RIMS4: variants seen among roughly 807,000 people sequenced by gnomAD.
RIMS4 encodes regulating synaptic membrane exocytosis 4, also known as regulating synaptic membrane exocytosis protein 4.
Under a neutral mutation model 29.0 loss-of-function variants are expected in RIMS4, and 9 were observed. The ratio of observed to expected loss-of-function variants is 0.31; its 90% CI spans 0.19 to 0.54. The LOEUF (loss-of-function observed/expected upper bound fraction) is 0.54, where lower values mean the gene tolerates loss of function less well. RIMS4 is among the 20% of genes least tolerant of loss of function. RIMS4 has a pLI of 0.94. For synonymous variants in RIMS4, 130 were observed against 152.9 expected (o/e 0.85, Z 1.10); for missense variants, 193 against 365.7 (o/e 0.53, Z 3.85).
intron 1 of RIMS4, among the ~76,000 whole-genome samples, chr20:44,799,176 G>A (rs987238701): frequency 2.0e-5 from 3 of 152,116 alleles, no homozygotes; most frequent in Admixed American, 6.5e-5. Flanking sequence ...GGTGGCACGC[G>A]CCTGTAGTCC....
At position 44,755,761 on chromosome 20, in the gene RIMS4, G is replaced by C. The variant is rs2066056736; in HGVS notation, c.*373C>G. On this transcript the variant is annotated 3_prime_UTR_variant, in exon 6 of 6. Coordinates refer to ENST00000372851, the MANE Select transcript of RIMS4 (RefSeq NM_182970.4). ...TTGGCACCATGGAGATGGCCGGCTGGGTTCTGGACATGGCTCTGGGCAGCG... is the reference window on the plus strand; with the variant it reads ...TTGGCACCATGGAGATGGCCGGCTGCGTTCTGGACATGGCTCTGGGCAGCG... 1 of 187,174 alleles carries C rather than the reference G, an allele frequency of 5.3e-6. No individual in the cohort carries two copies. Among genetic ancestry groups the C allele is most frequent in the Non-Finnish European group, 1.1e-5 (1 of 90,292 alleles). 11.6% of individuals were successfully genotyped at this position (187,174 alleles called of 1,614,324 possible). A position where few individuals can be genotyped will look rare whatever the true frequency, so the allele number is the denominator to read the frequency against.
chr20:44,793,431 C>A (rs896009670), intron 1 of RIMS4, among the ~76,000 whole-genome samples: 1 of 152,160 alleles, frequency 6.6e-6, no homozygotes, highest in Non-Finnish European at 1.5e-5. Flanking sequence ...AGCCATGGTC[C>A]ACCCTTTCTC....
chr20:44,765,014 T>A (rs1185135364), intron 2 of RIMS4, among the ~76,000 whole-genome samples: 3 of 152,216 alleles, frequency 2.0e-5, no homozygotes, highest in Non-Finnish European at 4.4e-5. Context: ...GCACTGATAG[T>A]ACTATTTATC....
At chr20:44,805,990 C>A (rs2066297008) in intron 1 of RIMS4, among the ~76,000 whole-genome samples, 1 of 152,200 alleles carries the variant, frequency 6.6e-6, no homozygotes, top group Non-Finnish European at 1.5e-5. Context: ...CATCCACTAT[C>A]CCACCCCGCC....
intron 1 of RIMS4, among the ~76,000 whole-genome samples, chr20:44,773,650 C>T (rs916659070): frequency 4.6e-5 from 7 of 152,124 alleles, no homozygotes; most frequent in African/African-American, 1.4e-4. Context: ...ACATTTCTCC[C>T]GGAAGAGGGA....
At chr20:44,798,579 A>G (rs956499227) in intron 1 of RIMS4, among the ~76,000 whole-genome samples, 18 of 152,314 alleles carry the variant, frequency 1.2e-4, no homozygotes, top group African/African-American at 4.3e-4. Context: ...CAGGTCCCCC[A>G]TCACTCAGCT....
intron 1 of RIMS4, among the ~76,000 whole-genome samples, chr20:44,786,892 G>T (rs1040877128): frequency 4.6e-5 from 7 of 151,896 alleles, no homozygotes; most frequent in Non-Finnish European, 8.8e-5. Flanking sequence ...TATTTTTTTT[G>T]AGCACTTTCT....
At chr20:44,771,170 A>C in intron 2 of RIMS4, 105 bp downstream of exon 2, 1 of 1,346,150 alleles carries the variant, frequency 7.4e-7, no homozygotes, top group Non-Finnish European at 9.9e-7. Flanking sequence ...TGGCGCTTTC[A>C]CAGCCTGGAG....
intron 1 of RIMS4, among the ~76,000 whole-genome samples, chr20:44,786,883 A>AT (rs34662051): frequency 9.2e-5 from 14 of 152,168 alleles, no homozygotes; most frequent in African/African-American, 2.4e-4. Flanking sequence ...CTCACAAAGT[A>AT]TTTTTTTTGA....
At chr20:44,795,153 A>G (rs1301792783) in intron 1 of RIMS4, among the ~76,000 whole-genome samples, 1 of 152,208 alleles carries the variant, frequency 6.6e-6, no homozygotes, top group Non-Finnish European at 1.5e-5. Flanking sequence ...ATTGAGCACT[A>G]ATTATGTACC....
chr20:44,796,029 G>A (rs958458952), intron 1 of RIMS4, among the ~76,000 whole-genome samples: 2 of 152,006 alleles, frequency 1.3e-5, no homozygotes, highest in African/African-American at 4.8e-5. Context: ...GAGAGTCCAG[G>A]ATTCCATCCC....
intron 1 of RIMS4, 138 bp downstream of exon 1, chr20:44,810,037 G>A (rs2066316690): frequency 5.0e-6 from 2 of 396,090 alleles, no homozygotes; most frequent in African/African-American, 2.2e-5. Flanking sequence ...CTGGGGTCCC[G>A]TGGGTGCGGA....
intron 1 of RIMS4, among the ~76,000 whole-genome samples, chr20:44,783,448 C>T (rs1340419903): frequency 6.6e-6 from 1 of 152,096 alleles, no homozygotes; most frequent in Non-Finnish European, 1.5e-5. Flanking sequence ...TATGGTGAAA[C>T]ACTGTCTCTA....
At chr20:44,783,637 AAAAAC>A (rs1167987700) in intron 1 of RIMS4, among the ~76,000 whole-genome samples, 6 of 151,700 alleles carry the variant, frequency 4.0e-5, no homozygotes, top group African/African-American at 1.5e-4. Flanking sequence ...AAACAAAAAC[AAAAAC>A]AAAAAAAAAA....
chr20:44,775,462 C>T (rs1239506333), intron 1 of RIMS4, among the ~76,000 whole-genome samples: 3 of 152,132 alleles, frequency 2.0e-5, no homozygotes, highest in Non-Finnish European at 2.9e-5. Flanking sequence ...AAATGTATGA[C>T]CCTTAACCTG....
intron 2 of RIMS4, among the ~76,000 whole-genome samples, chr20:44,764,255 C>CATCCATGCATCCATCCA (rs1325046131): frequency 6.9e-6 from 1 of 144,320 alleles, no homozygotes; most frequent in African/African-American, 2.6e-5. Flanking sequence ...TCCATCCATC[C>CATCCATGCATCCATCCA]TCCCACAAAC....
intron 1 of RIMS4, among the ~76,000 whole-genome samples, chr20:44,788,453 T>C (rs1255124488): frequency 6.6e-6 from 1 of 152,130 alleles, no homozygotes; most frequent in African/African-American, 2.4e-5. Flanking sequence ...AAATTAGATT[T>C]GCTTGATAAA....
chr20:44,778,748 G>A (rs1188751003), intron 1 of RIMS4, among the ~76,000 whole-genome samples: 1 of 152,170 alleles, frequency 6.6e-6, no homozygotes, highest in Non-Finnish European at 1.5e-5. Context: ...GCATCTTCAG[G>A]AGGCAGCATG....
intron 1 of RIMS4, among the ~76,000 whole-genome samples, chr20:44,787,698 A>G (rs75816150): frequency 5.9e-5 from 7 of 118,574 alleles, no homozygotes; most frequent in Admixed American, 9.0e-5. Flanking sequence ...TTTCTCCAGG[A>G]AAAAAAAAAA....
Sources: gnomAD v4.1 joint callset for allele counts (sites outside exome capture counted in the v4.1 genomes callset) on GRCh38, gnomAD v4.1.1 for gene constraint, MANE v1.5 for transcripts, NCBI Gene and HGNC (gene_info 2026-07-23, HGNC 2026-07-21) for gene names.